The following SPATA18 variants were observed in gnomAD, a reference collection of about 807,000 sequenced individuals.
SPATA18 encodes spermatogenesis associated 18.
SPATA18 carries 54 observed loss-of-function variants against 68.1 expected under a neutral mutation model. That is an observed-to-expected ratio of 0.79 (90% CI 0.64 to 0.99). The LOEUF is 0.99. SPATA18 is among the 50% of genes least tolerant of loss of function. The pLI, the probability that SPATA18 is intolerant of heterozygous loss-of-function variation, is 0.00. For missense variants in SPATA18, 724 were observed against 681.1 expected, an observed-to-expected ratio of 1.06 and a Z score of -0.70; for synonymous variants, 242 against 244.8, an observed-to-expected ratio of 0.99 and a Z score of 0.11.
intron 6 of SPATA18, among the ~76,000 whole-genome samples, chr4:52,073,579 CTG>C (rs944789651): frequency 2.6e-5 from 4 of 151,978 alleles, no homozygotes; most frequent in African/African-American, 9.7e-5. Context: ...CTAGACAAGC[CTG>C]AGCAACATGG....
At position 52,065,928 on chromosome 4, in the gene SPATA18, A is replaced by T. The variant is rs116449066; in HGVS notation, c.422+3596A>T. 1.7e-3 allele frequency among the ~76,000 whole-genome samples: 265 copies of T among 152,174 alleles called. 1 individual carries two copies. Among genetic ancestry groups the T allele is most frequent in the African/African-American group, 6.2e-3 (259 of 41,534 alleles). On this transcript the variant is annotated intron_variant, in intron 4 of 12. Transcript: ENST00000295213. ...TGCTTTTCCTCCTCTCCTATATCCA[A>T]TCTATCAGAATGTCCAATTGAATCT...
intron 3 of SPATA18, among the ~76,000 whole-genome samples, chr4:52,061,603 G>A (rs1738863180): frequency 6.6e-6 from 1 of 152,012 alleles, no homozygotes; most frequent in African/African-American, 2.4e-5. Flanking sequence ...AGATCACTGA[G>A]CAGAAAACCA....
In SPATA18 at chr4:52,051,545, A is replaced by G; in HGVS notation, c.-160A>G. 2.8e-6 allele frequency: 2 copies of G among 704,506 alleles called. No individual in the cohort carries two copies. Among genetic ancestry groups the G allele is most frequent in the Non-Finnish European group, 4.9e-6 (2 of 408,532 alleles). The allele number at this position is 704,506 out of a possible 1,614,324, so 43.6% of individuals were successfully genotyped here. A position where few individuals can be genotyped will look rare whatever the true frequency, so the allele number is the denominator to read the frequency against. ...CCCCTCTGGCTTCCCGAACCCGGCC[A>G]GGTCCGACCCGAGGGGGAGGATGGA... On this transcript the variant is annotated 5_prime_UTR_variant, in exon 1 of 13. Coordinates refer to ENST00000295213, the MANE Select transcript of SPATA18 (RefSeq NM_145263.4).
At position 52,092,343 on chromosome 4, in the gene SPATA18, G is replaced by A. The variant is rs139782977; in HGVS notation, c.1564-2184G>A. ...TGTGCTTGAAACCCAGGGCCCTGGT[G>A]AGGTAGTCACTGGAGGGAATCTCCT... On this transcript the variant is annotated intron_variant, in intron 11 of 12. Coordinates refer to ENST00000295213, the MANE Select transcript of SPATA18 (RefSeq NM_145263.4). 5.0e-3 allele frequency among the ~76,000 whole-genome samples: 769 copies of A among 152,286 alleles called. 3 individuals are homozygous for A. Among genetic ancestry groups the A allele is most frequent in the Middle Eastern group, 0.017 (5 of 294 alleles).
chr4:52,063,086 A>G (rs1254686913), intron 4 of SPATA18, among the ~76,000 whole-genome samples: 1 of 152,180 alleles, frequency 6.6e-6, no homozygotes, highest in East Asian at 1.9e-4. Flanking sequence ...AAATCCATCA[A>G]TGGGAATTTC....
In SPATA18 at chr4:52,079,306, G is replaced by A. The variant is rs144786912; in HGVS notation, c.1179+413G>A. Among the ~76,000 whole-genome samples the A allele has an allele frequency of 7.4e-4, 113 of 152,206 alleles. 1 individual carries two copies. Among genetic ancestry groups the A allele is most frequent in the African/African-American group, 2.6e-3 (110 of 41,524 alleles). On this transcript the variant is annotated intron_variant, in intron 8 of 12. Coordinates refer to ENST00000295213, the MANE Select transcript of SPATA18 (RefSeq NM_145263.4). The stretch of plus-strand genomic sequence containing the variant: ...GTTCATTACTCCATAGAGTCATTGA[G>A]AGCATTAAATGAAAGAAAGTAGGCA...
At chr4:52,069,713 A>G in intron 4 of SPATA18, 108 bp from the exon 5 acceptor site, 1 of 578,182 alleles carries the variant, frequency 1.7e-6, no homozygotes, top group Non-Finnish European at 2.7e-6. Flanking sequence ...GATCTTGTTT[A>G]TGTTGAACTA....
At chr4:52,092,531 G>A (rs1578208136) in intron 11 of SPATA18, among the ~76,000 whole-genome samples, 1 of 152,244 alleles carries the variant, frequency 6.6e-6, no homozygotes, top group Non-Finnish European at 1.5e-5. Flanking sequence ...GCCCTCCATG[G>A]GCTACACCCT....
rs549657942 is a variant in SPATA18, at chr4:52,086,396, T to A, written c.1563+1397T>A. On this transcript the variant is annotated intron_variant, in intron 11 of 12. Coordinates refer to ENST00000295213, the MANE Select transcript of SPATA18 (RefSeq NM_145263.4). Reference sequence around the variant, plus strand: ...CCTACATTAGGTATTTCCCCTAATGTTATCCCTCTCCTAGACCCTCACCCC... The same window carrying A: ...CCTACATTAGGTATTTCCCCTAATGATATCCCTCTCCTAGACCCTCACCCC... 3.9e-5 allele frequency among the ~76,000 whole-genome samples: 6 copies of A among 152,248 alleles called. No homozygotes were observed. The South Asian group carries it at 1.2e-3, about 32-fold the overall frequency.
chr4:52,054,753 T>C (rs1235609181), intron 1 of SPATA18, among the ~76,000 whole-genome samples: 1 of 151,916 alleles, frequency 6.6e-6, no homozygotes, highest in African/African-American at 2.4e-5. Context: ...CCAGTTGAAG[T>C]TGCAGTTATG....
chr4:52,083,550 G>A, intron 10 of SPATA18: 1 of 886,804 alleles, frequency 1.1e-6, no homozygotes, highest in East Asian at 1.2e-4. Context: ...TTTGAGATGA[G>A]CCTGGGCAAC....
rs149095348 is a variant in SPATA18 at position 52,081,577 on chromosome 4, C to T, written c.1356-810C>T. ...GACTAACACCCTTTTTATTCTTATT[C>T]TCCATTAATTCAGCTAACTTACAGT... On this transcript the variant is annotated intron_variant, in intron 9 of 12. Coordinates refer to ENST00000295213, the MANE Select transcript of SPATA18 (RefSeq NM_145263.4). Among the ~76,000 whole-genome samples, 497 of 152,284 alleles carry T rather than the reference C, an allele frequency of 3.3e-3. 2 individuals are homozygous for T. Among genetic ancestry groups the T allele is most frequent in the Non-Finnish European group, 5.7e-3 (390 of 68,016 alleles).
chr4:52,054,699 C>T (rs764964331), intron 1 of SPATA18, among the ~76,000 whole-genome samples: 1 of 151,822 alleles, frequency 6.6e-6, no homozygotes, highest in Non-Finnish European at 1.5e-5. Context: ...GCCTATGGTC[C>T]GTGATCTCTT....
chr4:52,096,887 A>G lies in SPATA18; in HGVS notation c.*2000A>G, dbSNP rs1578214591. 6.6e-6 allele frequency: 1 copy of G among 152,206 alleles called. No homozygotes were observed. The highest frequency in any genetic ancestry group is 2.1e-4 in the South Asian group (1 of 4,836). 9.4% of individuals were successfully genotyped at this position (152,206 alleles called of 1,614,324 possible). A position where few individuals can be genotyped will look rare whatever the true frequency, so the allele number is the denominator to read the frequency against. ...TATACGTTGAAAGGTCTTCACTAAT[A>G]TCTCACTAAGTAATGAGAATGCCTA... On this transcript the variant is annotated 3_prime_UTR_variant, in exon 13 of 13. Coordinates refer to ENST00000295213, the MANE Select transcript of SPATA18 (RefSeq NM_145263.4).
At chr4:52,086,252 CT>C (rs1336810461) in intron 11 of SPATA18, among the ~76,000 whole-genome samples, 1 of 152,146 alleles carries the variant, frequency 6.6e-6, no homozygotes. Context: ...TGAAACCCAG[CT>C]TCCTTACTGA....
intron 5 of SPATA18, among the ~76,000 whole-genome samples, chr4:52,071,211 T>G (rs1368935700): frequency 9.8e-5 from 15 of 152,316 alleles, no homozygotes; most frequent in African/African-American, 3.6e-4. Flanking sequence ...ATCTTCTTAA[T>G]CTTACCTTTT....
At chr4:52,052,332 G>C (rs933725370) in intron 1 of SPATA18, among the ~76,000 whole-genome samples, 2 of 152,150 alleles carry the variant, frequency 1.3e-5, no homozygotes, top group Admixed American at 1.3e-4. Context: ...GCGTGCTGGT[G>C]GGCCTGGAAA....
intron 6 of SPATA18, 101 bp downstream of exon 6, chr4:52,072,257 C>T (rs1352119240): frequency 2.0e-6 from 3 of 1,508,898 alleles, no homozygotes; most frequent in South Asian, 2.7e-5. Context: ...ATACCCTGAA[C>T]CAAAACCTCA....
In SPATA18 at chr4:52,072,217, G is replaced by A. The variant is rs115064656; in HGVS notation, c.758+61G>A. The A allele has an allele frequency of 1.1e-3, 1,796 of 1,574,890 alleles. 16 individuals carry two copies. The African/African-American group carries it at 0.022, about 20-fold the overall frequency. ...TCTTTTTGCTGAGTTAAGGGATCGG[G>A]GAGGAGGAAATAAGTAAAATGATAA... On this transcript the variant is annotated intron_variant, in intron 6 of 12. Coordinates refer to ENST00000295213, the MANE Select transcript of SPATA18 (RefSeq NM_145263.4).
Sources: allele counts gnomAD v4.1 joint callset (sites outside exome capture counted in the v4.1 genomes callset), GRCh38; gene constraint gnomAD v4.1.1; transcripts MANE v1.5; gene names NCBI Gene and HGNC (gene_info 2026-07-23, HGNC 2026-07-21).